The following PABPC4L variants were observed in gnomAD, a reference collection of about 807,000 sequenced individuals.
PABPC4L encodes poly(A) binding protein cytoplasmic 4 like, also known as polyadenylate-binding protein 4-like.
For synonymous variants in PABPC4L, 169 were observed against 164.1 expected (o/e 1.03, Z -0.23); for missense variants, 452 against 451.4 (o/e 1.00, Z -0.01).
the PABPC4L span, among the ~76,000 whole-genome samples, chr4:134,046,784 C>T: frequency 6.6e-6 from 1 of 152,230 alleles, no homozygotes; most frequent in African/African-American, 2.4e-5. Context: ...TAACAAGGCA[C>T]ATCCTGCACA....
At chr4:134,042,528 TTATA>T in the PABPC4L span, among the ~76,000 whole-genome samples, 8 of 152,198 alleles carry the variant, frequency 5.3e-5, no homozygotes, top group African/African-American at 1.9e-4. Flanking sequence ...AAAATTACTT[TTATA>T]TAAAGACCTC....
the PABPC4L span, among the ~76,000 whole-genome samples, chr4:134,054,819 G>A: frequency 1.3e-5 from 2 of 151,860 alleles, no homozygotes; most frequent in Non-Finnish European, 2.9e-5. Context: ...TACAAATAAA[G>A]GTATGATAAA....
At chr4:133,982,591 A>G in the PABPC4L span, among the ~76,000 whole-genome samples, 1 of 152,050 alleles carries the variant, frequency 6.6e-6, no homozygotes, top group Non-Finnish European at 1.5e-5. Context: ...ATTAATAAAT[A>G]GTAAGAAGTT....
chr4:134,046,478 G>A, the PABPC4L span, among the ~76,000 whole-genome samples: 4 of 150,874 alleles, frequency 2.7e-5, no homozygotes, highest in Non-Finnish European at 4.4e-5. Context: ...TCCCTTCCCA[G>A]GGACATGCAG....
the PABPC4L span, among the ~76,000 whole-genome samples, chr4:133,981,930 T>A: frequency 6.6e-6 from 1 of 151,976 alleles, no homozygotes; most frequent in Non-Finnish European, 1.5e-5. Context: ...AAAATAATTA[T>A]AATTCAAATC....
the PABPC4L span, among the ~76,000 whole-genome samples, chr4:134,142,994 T>A: frequency 6.6e-6 from 1 of 151,680 alleles, no homozygotes; most frequent in South Asian, 2.1e-4. Context: ...TTTATCAATT[T>A]GACATAATTT....
chr4:134,108,407 A>G, the PABPC4L span, among the ~76,000 whole-genome samples: 1 of 151,982 alleles, frequency 6.6e-6, no homozygotes, highest in African/African-American at 2.4e-5. Flanking sequence ...AATGTAATGA[A>G]AATGATAACC....
At chr4:134,152,791 T>C in the PABPC4L span, among the ~76,000 whole-genome samples, 2 of 152,170 alleles carry the variant, frequency 1.3e-5, no homozygotes, top group African/African-American at 4.8e-5. Flanking sequence ...AAAAAGGTTT[T>C]ATTTGGCTGA....
the PABPC4L span, among the ~76,000 whole-genome samples, chr4:133,951,861 A>G: frequency 6.6e-6 from 1 of 152,146 alleles, no homozygotes; most frequent in Non-Finnish European, 1.5e-5. Flanking sequence ...GAGTTAATCC[A>G]TAACCTACAG....
the PABPC4L span, among the ~76,000 whole-genome samples, chr4:133,968,972 G>A: frequency 6.6e-6 from 1 of 152,120 alleles, no homozygotes; most frequent in Admixed American, 6.5e-5. Context: ...CACCCAACCT[G>A]GGGTCTAATA....
chr4:134,187,648 G>T, the PABPC4L span, among the ~76,000 whole-genome samples: 2 of 151,968 alleles, frequency 1.3e-5, no homozygotes, highest in Admixed American at 1.3e-4. Context: ...TATTTTTGGA[G>T]AATTGACTCC....
chr4:134,114,128 G>A, the PABPC4L span, among the ~76,000 whole-genome samples: 4 of 151,622 alleles, frequency 2.6e-5, no homozygotes, highest in African/African-American at 7.2e-5. Context: ...CTAAGCAGGG[G>A]GAAATGGTAA....
the PABPC4L span, among the ~76,000 whole-genome samples, chr4:134,047,020 C>A: frequency 6.6e-6 from 1 of 152,152 alleles, no homozygotes; most frequent in Non-Finnish European, 1.5e-5. Flanking sequence ...AATTACATGA[C>A]AATCTGTGAC....
chr4:134,187,194 C>T, the PABPC4L span, among the ~76,000 whole-genome samples: 1 of 151,984 alleles, frequency 6.6e-6, no homozygotes, highest in Non-Finnish European at 1.5e-5. Context: ...CATTACGGGA[C>T]ATATAACCAA....
chr4:134,076,424 A>T, the PABPC4L span, among the ~76,000 whole-genome samples: 1 of 152,296 alleles, frequency 6.6e-6, no homozygotes, highest in African/African-American at 2.4e-5. Flanking sequence ...AAGCCGAAGT[A>T]GGGCCAGCAG....
the PABPC4L span, among the ~76,000 whole-genome samples, chr4:134,102,886 G>A: frequency 6.6e-6 from 1 of 151,158 alleles, no homozygotes; most frequent in Non-Finnish European, 1.5e-5. Flanking sequence ...CTACCTATAT[G>A]GATGTATAAT....
At chr4:133,980,945 G>T in the PABPC4L span, among the ~76,000 whole-genome samples, 2 of 152,110 alleles carry the variant, frequency 1.3e-5, no homozygotes, top group Non-Finnish European at 1.5e-5. Context: ...ATCATTTGAG[G>T]TCAGGAGTTC....
the PABPC4L span, among the ~76,000 whole-genome samples, chr4:134,032,651 C>A: frequency 6.6e-6 from 1 of 151,604 alleles, no homozygotes; most frequent in Admixed American, 6.6e-5. Flanking sequence ...AAGATAAGGC[C>A]TGGTATGCTT....
the PABPC4L span, among the ~76,000 whole-genome samples, chr4:134,039,827 G>T: frequency 1.3e-5 from 2 of 151,660 alleles, no homozygotes; most frequent in Non-Finnish European, 2.9e-5. Flanking sequence ...TTACATTTAA[G>T]GTTAATAATC....
Sources: allele counts gnomAD v4.1 joint callset (sites outside exome capture counted in the v4.1 genomes callset), GRCh38; gene constraint gnomAD v4.1.1; transcripts MANE v1.5; gene names NCBI Gene and HGNC (gene_info 2026-07-23, HGNC 2026-07-21).